The following BCL2 variants were observed in gnomAD, a reference collection of about 807,000 sequenced individuals.
BCL2 encodes the protein BCL2 apoptosis regulator, also known as apoptosis regulator Bcl-2.
BCL2 carries 1 observed loss-of-function variant against 14.2 expected under a neutral mutation model. The ratio of observed to expected loss-of-function variants is 0.07; its 90% confidence interval spans 0.02 to 0.33. BCL2 has a LOEUF of 0.33. Ranked by LOEUF, BCL2 falls within the 10% of genes least tolerant of loss-of-function variation. The probability of loss-of-function intolerance (pLI) is 0.99; values close to 1 mark genes in which losing one functional copy is unlikely to be tolerated. For missense variants in BCL2, 247 were observed against 305.9 expected, an observed-to-expected ratio of 0.81 and a Z score of 1.44; for synonymous variants, 151 against 137.2, an observed-to-expected ratio of 1.10 and a Z score of -0.70.
chr18:63,178,758 C>CA (rs1348419768), intron 2 of BCL2, among the ~76,000 whole-genome samples: 1 of 151,934 alleles, frequency 6.6e-6, no homozygotes, highest in African/African-American at 2.4e-5. Context: ...GAGTAGAAAA[C>CA]AAAACTCCCT....
chr18:63,275,059 C>A (rs1303703623), intron 2 of BCL2, among the ~76,000 whole-genome samples: 2 of 151,858 alleles, frequency 1.3e-5, no homozygotes, highest in Non-Finnish European at 2.9e-5. Context: ...TATACATATT[C>A]ACTCTTTTGC....
At chr18:63,230,589 A>G (rs767071100) in intron 2 of BCL2, among the ~76,000 whole-genome samples, 11 of 152,126 alleles carry the variant, frequency 7.2e-5, no homozygotes, top group African/African-American at 1.2e-4. Context: ...GACAAGATTG[A>G]GCAAGGAAAA....
chr18:63,202,825 G>A (rs1909735085), intron 2 of BCL2, among the ~76,000 whole-genome samples: 1 of 152,088 alleles, frequency 6.6e-6, no homozygotes, highest in African/African-American at 2.4e-5. Context: ...GGTTTTCTTG[G>A]CACCCAACAC....
chr18:63,267,830 C>G (rs751129918), intron 2 of BCL2, among the ~76,000 whole-genome samples: 8 of 152,152 alleles, frequency 5.3e-5, no homozygotes, highest in Non-Finnish European at 1.2e-4. Context: ...TGCTCTCTCC[C>G]TCCTTCCCTC....
At chr18:63,216,399 CT>C (rs1910203743) in intron 2 of BCL2, among the ~76,000 whole-genome samples, 1 of 73,588 alleles carries the variant, frequency 1.4e-5, no homozygotes. Flanking sequence ...TAAATGTTTT[CT>C]AAAAAAAAAA....
chr18:63,168,965 G>A (rs1401578019), intron 2 of BCL2, among the ~76,000 whole-genome samples: 1 of 152,194 alleles, frequency 6.6e-6, no homozygotes, highest in Non-Finnish European at 1.5e-5. Flanking sequence ...CTTTATCTTG[G>A]GGTCTTAACT....
chr18:63,223,103 T>C (rs956395640), intron 2 of BCL2, among the ~76,000 whole-genome samples: 4 of 152,096 alleles, frequency 2.6e-5, no homozygotes, highest in African/African-American at 9.7e-5. Context: ...GATGAGTCAC[T>C]AAAATAAGAA....
intron 2 of BCL2, among the ~76,000 whole-genome samples, chr18:63,249,894 C>G (rs961022362): frequency 6.6e-6 from 1 of 152,006 alleles, no homozygotes; most frequent in African/African-American, 2.4e-5. Flanking sequence ...ATTAGAGGAG[C>G]AGGCCCCCAG....
intron 2 of BCL2, among the ~76,000 whole-genome samples, chr18:63,169,389 T>TTCTTTCTTTCTC (rs1218834455): frequency 7.4e-5 from 3 of 40,794 alleles, no homozygotes; most frequent in Admixed American, 4.9e-4. Context: ...CTTTCTTTCT[T>TTCTTTCTTTCTC]TTTCTTTCTT....
intron 2 of BCL2, among the ~76,000 whole-genome samples, chr18:63,272,163 C>T (rs1912020282): frequency 6.6e-6 from 1 of 152,226 alleles, no homozygotes; most frequent in Admixed American, 6.5e-5. Context: ...GATGCTATTT[C>T]TCTCTGTCCC....
chr18:63,270,801 T>C (rs1428107781), intron 2 of BCL2, among the ~76,000 whole-genome samples: 1 of 152,162 alleles, frequency 6.6e-6, no homozygotes, highest in African/African-American at 2.4e-5. Context: ...TCATATGTAT[T>C]ATCATTTAAT....
intron 2 of BCL2, among the ~76,000 whole-genome samples, chr18:63,254,257 T>A (rs1911401873): frequency 6.6e-6 from 1 of 151,916 alleles, no homozygotes; most frequent in Non-Finnish European, 1.5e-5. Context: ...CAGAGTTCCT[T>A]CTTCCTGTCC....
intron 2 of BCL2, among the ~76,000 whole-genome samples, chr18:63,186,197 GCTAT>G (rs1373168892): frequency 3.9e-5 from 6 of 152,146 alleles, no homozygotes; most frequent in African/African-American, 1.4e-4. Flanking sequence ...GCCTGAGCAT[GCTAT>G]CTATTTATAC....
intron 2 of BCL2, among the ~76,000 whole-genome samples, chr18:63,178,111 G>T (rs1915393199): frequency 6.6e-6 from 1 of 152,310 alleles, no homozygotes; most frequent in Middle Eastern, 3.4e-3. Context: ...ATCAGTTGGA[G>T]CCTGGGGGCC....
intron 2 of BCL2, among the ~76,000 whole-genome samples, chr18:63,148,333 G>A (rs561065285): frequency 2.4e-4 from 36 of 152,138 alleles, no homozygotes; most frequent in Middle Eastern, 3.4e-3. Context: ...AGTGATATGC[G>A]AGTCATAATA....
rs977889112 is a variant in BCL2, at chr18:63,179,884, G to A, written c.586-51125C>T. ...GCACACAGTAGCTCAACAGATGCTC[G>A]ATTTCATTGCTGTTGTAAGTGTCCT... is the stretch of plus-strand genomic sequence containing the variant. On this transcript the variant is annotated intron_variant, in intron 2 of 2. Coordinates refer to ENST00000333681, the MANE Select transcript of BCL2 (RefSeq NM_000633.3). 2.6e-5 allele frequency among the ~76,000 whole-genome samples: 4 copies of A among 152,154 alleles called. No individual in the cohort carries two copies. In the East Asian group the frequency reaches 5.8e-4, roughly 22 times the overall value.
chr18:63,168,687 A>T (rs140594349), intron 2 of BCL2, among the ~76,000 whole-genome samples: 1,879 of 152,290 alleles, frequency 0.012, 23 homozygotes, highest in Middle Eastern at 0.041. Context: ...CTGGGGGGAA[A>T]TGTGGACTGC....
At chr18:63,176,368 C>A (rs1056714366) in intron 2 of BCL2, among the ~76,000 whole-genome samples, 1 of 152,200 alleles carries the variant, frequency 6.6e-6, no homozygotes, top group African/African-American at 2.4e-5. Context: ...CACCTGGGGA[C>A]CAGGGTTCCA....
intron 2 of BCL2, among the ~76,000 whole-genome samples, chr18:63,168,799 C>T (rs576447012): frequency 1.1e-3 from 162 of 152,280 alleles, no homozygotes; most frequent in African/African-American, 3.4e-3. Context: ...GCTTTTTAGG[C>T]GGTCTGCATG....
Sources: gnomAD v4.1 joint callset for allele counts (sites outside exome capture counted in the v4.1 genomes callset) on GRCh38, gnomAD v4.1.1 for gene constraint, MANE v1.5 for transcripts, NCBI Gene and HGNC (gene_info 2026-07-23, HGNC 2026-07-21) for gene names.